WBP1L: variants seen among roughly 807,000 people sequenced by gnomAD.
WBP1L encodes the protein WW domain binding protein 1-like.
A neutral mutation model predicts 33.7 loss-of-function variants in WBP1L; 17 were observed. The observed-to-expected ratio is 0.50, with a 90% CI of 0.34 to 0.76. WBP1L has a LOEUF of 0.76. WBP1L is among the 30% of genes least tolerant of loss of function. The pLI is 0.01. For missense variants in WBP1L, 389 were observed against 469.4 expected (o/e 0.83, Z 1.58); for synonymous variants, 173 against 190.8 (o/e 0.91, Z 0.77).
chr10:102,782,365 A>T (rs1843350346), intron 1 of WBP1L, among the ~76,000 whole-genome samples: 1 of 151,898 alleles, frequency 6.6e-6, no homozygotes, highest in African/African-American at 2.4e-5. Flanking sequence ...GATGGAGCCA[A>T]AGAAAACAGT....
At chr10:102,749,997 G>A (rs1043403434) in intron 1 of WBP1L, among the ~76,000 whole-genome samples, 30 of 151,330 alleles carry the variant, frequency 2.0e-4, no homozygotes, top group African/African-American at 5.6e-4. Flanking sequence ...GGCCAGGCTG[G>A]TCTCGAACTC....
intron 1 of WBP1L, among the ~76,000 whole-genome samples, chr10:102,744,614 A>T (rs1250929186): frequency 2.0e-5 from 3 of 152,132 alleles, no homozygotes; most frequent in East Asian, 1.9e-4. Flanking sequence ...TAGTACGTTT[A>T]AAAAAAATTA....
intron 1 of WBP1L, among the ~76,000 whole-genome samples, chr10:102,781,311 C>T (rs1843332745): frequency 6.6e-6 from 1 of 152,202 alleles, no homozygotes; most frequent in Non-Finnish European, 1.5e-5. Context: ...AACCCCTCAA[C>T]TGCTGAATGT....
chr10:102,788,769 C>G (rs1228151543), intron 1 of WBP1L, among the ~76,000 whole-genome samples: 3 of 152,058 alleles, frequency 2.0e-5, no homozygotes, highest in African/African-American at 7.2e-5. Flanking sequence ...TGTTTTGTTG[C>G]TTACTCTGCA....
chr10:102,780,237 G>A (rs1478952246), intron 1 of WBP1L, among the ~76,000 whole-genome samples: 1 of 152,182 alleles, frequency 6.6e-6, no homozygotes, highest in African/African-American at 2.4e-5. Context: ...TGCTTTTTGT[G>A]CTTAGATGAG....
At chr10:102,773,748 G>A (rs576213578) in intron 1 of WBP1L, among the ~76,000 whole-genome samples, 50 of 151,990 alleles carry the variant, frequency 3.3e-4, no homozygotes, top group Non-Finnish European at 6.8e-4. Context: ...AAACTTAGCT[G>A]AGTGTGGTGG....
chr10:102,789,426 C>T (rs902023786), intron 1 of WBP1L, among the ~76,000 whole-genome samples: 3 of 152,086 alleles, frequency 2.0e-5, no homozygotes, highest in Non-Finnish European at 4.4e-5. Flanking sequence ...GGTGTTTTTG[C>T]GTGGATTTGA....
chr10:102,799,550 G>A (rs540253134), intron 2 of WBP1L, among the ~76,000 whole-genome samples: 2 of 152,082 alleles, frequency 1.3e-5, no homozygotes, highest in South Asian at 2.1e-4. Flanking sequence ...GAGGGTGTTG[G>A]GGGGGTGGTG....
At chr10:102,787,871 C>A (rs9663711) in intron 1 of WBP1L, among the ~76,000 whole-genome samples, 81,493 of 151,470 alleles carry the variant, frequency 0.54, 22,577 homozygotes, top group Middle Eastern at 0.64. Context: ...TGAGGTCAGG[C>A]GTGCGAGACC....
chr10:102,746,689 C>G (rs1842867147), intron 1 of WBP1L, among the ~76,000 whole-genome samples: 2 of 152,030 alleles, frequency 1.3e-5, no homozygotes, highest in Non-Finnish European at 2.9e-5. Flanking sequence ...ACAGGGCATA[C>G]TTTAAGTACC....
chr10:102,759,181 C>T (rs1182856460), intron 1 of WBP1L, among the ~76,000 whole-genome samples: 3 of 152,152 alleles, frequency 2.0e-5, no homozygotes, highest in Non-Finnish European at 4.4e-5. Flanking sequence ...TGCTAAGTAA[C>T]GGGTGCCTTC....
chr10:102,756,101 GTTCT>G (rs1842972966), intron 1 of WBP1L, among the ~76,000 whole-genome samples: 1 of 149,282 alleles, frequency 6.7e-6, no homozygotes, highest in African/African-American at 2.5e-5. Context: ...TATGGGTAGG[GTTCT>G]TTATTTGTTT....
intron 1 of WBP1L, among the ~76,000 whole-genome samples, chr10:102,752,241 G>A (rs1842930850): frequency 6.6e-6 from 1 of 152,188 alleles, no homozygotes; most frequent in Non-Finnish European, 1.5e-5. Flanking sequence ...TGGTCCCGAG[G>A]TGGAGAAATC....
At position 102,815,317 on chromosome 10, in the gene WBP1L, C is replaced by G. The variant is rs545703354; in HGVS notation, c.*1986C>G. 2.0e-5 allele frequency: 3 copies of G among 152,670 alleles called. No individual in the cohort carries two copies. Among genetic ancestry groups the G allele is most frequent in the Admixed American group, 2.0e-4 (3 of 15,276 alleles). The allele number at this position is 152,670 out of a possible 1,614,324, so 9.5% of individuals were successfully genotyped here. On this transcript the variant is annotated 3_prime_UTR_variant, in exon 4 of 4. Coordinates refer to ENST00000448841, the MANE Select transcript of WBP1L (RefSeq NM_001083913.2). The stretch of plus-strand genomic sequence containing the variant: ...TGCTCCGTGGACACTCGGAGGCCTG[C>G]GTTCTGTTCCCTATAAATGGAAGCG...
intron 1 of WBP1L, 120 bp downstream of exon 1, chr10:102,744,263 C>A: frequency 7.8e-7 from 1 of 1,284,768 alleles, no homozygotes; most frequent in Non-Finnish European, 1.0e-6. Context: ...GCGTCTATGC[C>A]TGGCGTGGAC....
intron 2 of WBP1L, among the ~76,000 whole-genome samples, chr10:102,802,608 A>G (rs535621063): frequency 8.2e-4 from 125 of 151,928 alleles, no homozygotes; most frequent in Non-Finnish European, 1.4e-3. Flanking sequence ...CGATTCTCCC[A>G]CCTCAGCCTC....
intron 2 of WBP1L, among the ~76,000 whole-genome samples, chr10:102,806,862 A>G (rs900432283): frequency 2.0e-5 from 3 of 152,210 alleles, no homozygotes; most frequent in Non-Finnish European, 4.4e-5. Flanking sequence ...GGGACAGAGA[A>G]AGAGCTGTCG....
chr10:102,789,749 T>C (rs1282218893), intron 1 of WBP1L, among the ~76,000 whole-genome samples: 1 of 146,386 alleles, frequency 6.8e-6, no homozygotes, highest in Non-Finnish European at 1.5e-5. Context: ...TTTTGTATCT[T>C]TTTTTTTTTT....
chr10:102,760,504 G>T (rs2134031355), intron 1 of WBP1L, among the ~76,000 whole-genome samples: 1 of 151,568 alleles, frequency 6.6e-6, no homozygotes, highest in East Asian at 1.9e-4. Flanking sequence ...AGCCTTCCGA[G>T]TAGCTGGGAT....
Sources: gnomAD v4.1 joint callset for allele counts (sites outside exome capture counted in the v4.1 genomes callset) on GRCh38, gnomAD v4.1.1 for gene constraint, MANE v1.5 for transcripts, NCBI Gene and HGNC (gene_info 2026-07-23, HGNC 2026-07-21) for gene names.